Variants in HECTD4 observed in about 807,000 individuals in gnomAD.
HECTD4 encodes the protein probable E3 ubiquitin-protein ligase HECTD4.
In HECTD4, 114 loss-of-function variants were observed where a neutral mutation model predicts 471.5. That is an observed-to-expected ratio of 0.24 (90% CI 0.21 to 0.28). The LOEUF is 0.28. Among genes scored for constraint, HECTD4 ranks in the 10% least tolerant of loss-of-function variants. The pLI, the probability that HECTD4 is intolerant of heterozygous loss-of-function variation, is 1.00. For missense variants in HECTD4, 3,866 were observed against 5,651.5 expected (o/e 0.68, Z 10.13); for synonymous variants, 2,012 against 2,256.0 (o/e 0.89, Z 3.07).
At chr12:112,240,897 G>A (rs1261052344) in intron 32 of HECTD4, among the ~76,000 whole-genome samples, 2 of 152,190 alleles carry the variant, frequency 1.3e-5, no homozygotes, top group South Asian at 2.1e-4. Context: ...ACATAGGGCC[G>A]ATTCTATACC....
At chr12:112,207,442 A>G (rs1282639924) in intron 52 of HECTD4, among the ~76,000 whole-genome samples, 1 of 152,118 alleles carries the variant, frequency 6.6e-6, no homozygotes, top group Non-Finnish European at 1.5e-5. Context: ...ATGGCCGGCC[A>G]AAAATACTGT....
At chr12:112,352,449 C>A (rs2036263273) in intron 1 of HECTD4, among the ~76,000 whole-genome samples, 1 of 151,738 alleles carries the variant, frequency 6.6e-6, no homozygotes, top group Non-Finnish European at 1.5e-5. Context: ...GATTCTCCTG[C>A]CTCAGCCTCC....
chr12:112,220,936 G>A (rs185425598), intron 44 of HECTD4, among the ~76,000 whole-genome samples: 1 of 152,148 alleles, frequency 6.6e-6, no homozygotes, highest in Admixed American at 6.5e-5. Flanking sequence ...GAGACATAGT[G>A]AGACCCCGTC....
chr12:112,338,121 A>G (rs1008883259), intron 1 of HECTD4, among the ~76,000 whole-genome samples: 2 of 152,174 alleles, frequency 1.3e-5, no homozygotes, highest in Non-Finnish European at 2.9e-5. Context: ...CAGGGGCTCT[A>G]GTAAAGAATC....
chr12:112,169,133 G>A (rs976297775), intron 70 of HECTD4, among the ~76,000 whole-genome samples: 2 of 152,224 alleles, frequency 1.3e-5, no homozygotes, highest in African/African-American at 4.8e-5. Flanking sequence ...CCTCATCCCT[G>A]AAGAGTGCTA....
intron 27 of HECTD4, 88 bp downstream of exon 27, chr12:112,247,977 TAC>T (rs59881558): frequency 0.11 from 65,110 of 613,642 alleles, 309 homozygotes; most frequent in South Asian, 0.24. Context: ...TTATTTTACC[TAC>T]ACACACACAC....
chr12:112,375,183 T>G (rs1010604854), intron 1 of HECTD4, among the ~76,000 whole-genome samples: 3 of 152,246 alleles, frequency 2.0e-5, no homozygotes. Context: ...GTTTGTCTGG[T>G]TTCTTCCACT....
intron 7 of HECTD4, among the ~76,000 whole-genome samples, chr12:112,287,749 ACT>A (rs2034785753): frequency 6.6e-6 from 1 of 151,868 alleles, no homozygotes; most frequent in African/African-American, 2.4e-5. Context: ...GTGAGACCCC[ACT>A]CTCTAAAAAA....
At chr12:112,368,853 A>G (rs2036614958) in intron 1 of HECTD4, among the ~76,000 whole-genome samples, 1 of 152,202 alleles carries the variant, frequency 6.6e-6, no homozygotes, top group South Asian at 2.1e-4. Flanking sequence ...TCCACTTAAT[A>G]TAGGTATTTT....
intron 7 of HECTD4, among the ~76,000 whole-genome samples, chr12:112,298,378 C>G (rs1047641332): frequency 6.6e-6 from 1 of 151,942 alleles, no homozygotes; most frequent in African/African-American, 2.4e-5. Flanking sequence ...TGAATACACA[C>G]AGTGTTCTGA....
chr12:112,201,040 C>G, intron 54 of HECTD4: 5 of 573,986 alleles, frequency 8.7e-6, no homozygotes, highest in Non-Finnish European at 1.3e-5. Flanking sequence ...TATAAACTTG[C>G]TATGTGCTTT....
At position 112,164,096 on chromosome 12, in the gene HECTD4, C is replaced by T. The variant is rs369564664; in HGVS notation, c.12701+13G>A. 197 of 1,529,874 alleles carry T rather than the reference C, an allele frequency of 1.3e-4. No individual in the cohort carries two copies. The highest frequency in any genetic ancestry group is 1.5e-4 in the Non-Finnish European group (174 of 1,134,874). 94.8% of individuals were successfully genotyped at this position (1,529,874 alleles called of 1,614,324 possible). On this transcript the variant is annotated intron_variant, in intron 73 of 75. Transcript: ENST00000682272. The stretch of plus-strand genomic sequence containing the variant: ...CCAGCCCCTGCCAGCCCCTGACACG[C>T]GCACACACTCACGCCACAAGGATGT...
At chr12:112,367,841 A>AAAC (rs1773664168) in intron 1 of HECTD4, among the ~76,000 whole-genome samples, 1 of 150,110 alleles carries the variant, frequency 6.7e-6, no homozygotes, top group African/African-American at 2.4e-5. Flanking sequence ...AAAAAAAAAA[A>AAAC]AAAAAAACGC....
In HECTD4 at chr12:112,381,473, AAAACC is replaced by A. The variant is rs1363318965; in HGVS notation, c.177+474_177+478del. On this transcript the variant is annotated intron_variant, in intron 1 of 75. Transcript: ENST00000682272. The surrounding 1 kb of genome is among the most constrained non-coding windows in gnomAD (Gnocchi z 4.1). ...AGCTGCCACTACCCTCTCCCGGAAA[AAAACC>A]AAACCAAACCAAACAAAAAAAACAG... is the stretch of plus-strand genomic sequence containing the variant. Among the ~76,000 whole-genome samples, 2 of 152,196 alleles carry A rather than the reference AAAACC, an allele frequency of 1.3e-5. No homozygotes were observed. The highest frequency in any genetic ancestry group is 2.9e-5 in the Non-Finnish European group (2 of 68,040).
rs1374534300 is a variant in HECTD4, at chr12:112,163,825, T to C, written c.12702-88A>G. 4 of 1,239,784 alleles carry C rather than the reference T, an allele frequency of 3.2e-6. No homozygotes were observed. The highest frequency in any genetic ancestry group is 1.8e-5 in the South Asian group (1 of 55,098). The allele number at this position is 1,239,784 out of a possible 1,614,324, so 76.8% of individuals were successfully genotyped here. A position where few individuals can be genotyped will look rare whatever the true frequency, so the allele number is the denominator to read the frequency against. On this transcript the variant is annotated intron_variant, in intron 73 of 75. Coordinates refer to ENST00000682272, the MANE Select transcript of HECTD4 (RefSeq NM_001388303.1). The surrounding 1 kb of genome is among the most constrained non-coding windows in gnomAD (Gnocchi z 8.2). ...CACCCACTCAGCTGGAGGTCCCGGATCCTCTCTTGGGAGAGGCCTGGGGCC... is the reference window on the plus strand; with the variant it reads ...CACCCACTCAGCTGGAGGTCCCGGACCCTCTCTTGGGAGAGGCCTGGGGCC...
chr12:112,285,117 C>T (rs777728235), intron 7 of HECTD4, among the ~76,000 whole-genome samples: 5 of 152,088 alleles, frequency 3.3e-5, no homozygotes, highest in African/African-American at 9.7e-5. Flanking sequence ...GAATTACAGG[C>T]GTGAGCCACC....
chr12:112,359,156 C>A (rs2036403404), intron 1 of HECTD4, among the ~76,000 whole-genome samples: 1 of 151,230 alleles, frequency 6.6e-6, no homozygotes, highest in Admixed American at 6.6e-5. Flanking sequence ...GCACTCCAGC[C>A]TGGGCAACAG....
intron 1 of HECTD4, among the ~76,000 whole-genome samples, chr12:112,331,509 A>G (rs2035844170): frequency 6.6e-6 from 1 of 152,206 alleles, no homozygotes. Flanking sequence ...CAGGTCTCTC[A>G]GTCTGTATTT....
rs753192643 is a variant in HECTD4, at chr12:112,243,602, C to T, written c.4791+18G>A. On this transcript the variant is annotated intron_variant, in intron 31 of 75. Coordinates refer to ENST00000682272, the MANE Select transcript of HECTD4 (RefSeq NM_001388303.1). The surrounding 1 kb of genome is among the most constrained non-coding windows in gnomAD (Gnocchi z 6.6). ...CTGTTAGGTGCTATTCATCTGGAGCCCGCAAAATGTGACGTACAGCTTGGT... is the reference window on the plus strand; with the variant it reads ...CTGTTAGGTGCTATTCATCTGGAGCTCGCAAAATGTGACGTACAGCTTGGT... 6 of 1,606,416 alleles carry T rather than the reference C, an allele frequency of 3.7e-6. No individual in the cohort carries two copies. Among genetic ancestry groups the T allele is most frequent in the Non-Finnish European group, 5.1e-6 (6 of 1,175,592 alleles).
Sources: gnomAD v4.1 joint callset for allele counts (sites outside exome capture counted in the v4.1 genomes callset) on GRCh38, gnomAD v4.1.1 for gene constraint, Gnocchi (gnomAD v3.1) non-coding constraint, MANE v1.5 for transcripts, NCBI Gene and HGNC (gene_info 2026-07-23, HGNC 2026-07-21) for gene names.